BRD4: variants seen among roughly 807,000 people sequenced by gnomAD.
BRD4 encodes the protein bromodomain-containing protein 4.
A neutral mutation model predicts 142.1 loss-of-function variants in BRD4; 16 were observed. That is an observed-to-expected ratio of 0.11 (90% confidence interval 0.08 to 0.17). The LOEUF (loss-of-function observed/expected upper bound fraction) is 0.17. BRD4 is among the 10% of genes least tolerant of loss of function. The pLI is 1.00. For missense variants in BRD4, 1,424 were observed against 1,810.9 expected, an observed-to-expected ratio of 0.79 and a Z score of 3.88; for synonymous variants, 833 against 707.5, an observed-to-expected ratio of 1.18 and a Z score of -2.82.
At position 15,244,423 on chromosome 19, in the gene BRD4, G is replaced by A. The variant is rs1465481670; in HGVS notation, c.2389C>T (p.Pro797Ser). ...ACCTGGGTGGCAATGAAGGGTGGGG[G>A]CGAGGACTTCATCGCCGGGGCTGCC... ...QQAAPAMKSS[P>S]PPFIATQVPV... The change falls in exon 13 of 20, where the codon CCC becomes TCC. Residue 797 changes from proline to serine, a missense_variant. Coordinates refer to ENST00000679869, the MANE Select transcript of BRD4 (RefSeq NM_001379291.1). 6.3e-7 allele frequency: 1 copy of A among 1,590,934 alleles called. No homozygotes were observed. The highest frequency in any genetic ancestry group is 8.5e-7 in the Non-Finnish European group (1 of 1,173,990).
chr19:15,263,444 C>T lies in BRD4; in HGVS notation c.1317G>A (p.Val439=). ...CYKYNPPDHE[V]VAMARKLQDV... ...CCTGGAGCTTGCGGGCCATGGCCAC[C>T]ACCTCATGGTCAGGAGGGTTGTACT... is the stretch of plus-strand genomic sequence containing the variant. The change falls in exon 7 of 20, where the codon GTG becomes GTA. Residue 439 remains valine (V), a synonymous_variant. Transcript: ENST00000679869. 6.2e-7 allele frequency: 1 copy of T among 1,614,182 alleles called. No individual in the cohort carries two copies. The highest frequency in any genetic ancestry group is 1.1e-5 in the South Asian group (1 of 91,084).
At chr19:15,280,497 C>G in intron 1 of BRD4, 1 of 964,610 alleles carries the variant, frequency 1.0e-6, no homozygotes, top group Non-Finnish European at 1.2e-6. Context: ...CCCTGCAGCA[C>G]CTGGCCATCT....
rs747867996 is a variant in BRD4, at chr19:15,239,617, C to CG, written c.3445+41dup. On this transcript the variant is annotated intron_variant, in intron 16 of 19. Coordinates refer to ENST00000679869, the MANE Select transcript of BRD4 (RefSeq NM_001379291.1). The surrounding 1 kb of genome is among the most constrained non-coding windows in gnomAD (Gnocchi z 7.4). ...GCAAGCTTATGTCCAACACGGGCCTCGGGGGGCCTGAGCCCTGGCTGTGGG... is the reference window on the plus strand; with the variant it reads ...GCAAGCTTATGTCCAACACGGGCCTCGGGGGGGCCTGAGCCCTGGCTGTGGG... The CG allele has an allele frequency of 3.1e-5, 48 of 1,557,814 alleles. 2 individuals are homozygous for CG. In the South Asian group the frequency reaches 5.0e-4, roughly 16 times the overall value.
chr19:15,275,386 A>C (rs1568393852), intron 1 of BRD4, among the ~76,000 whole-genome samples: 1 of 152,222 alleles, frequency 6.6e-6, no homozygotes, highest in South Asian at 2.1e-4. Flanking sequence ...GGCAGAGAGA[A>C]GTACCTGACC....
rs550027015 is a variant in BRD4, at chr19:15,326,328, G to A, written c.-35+5962C>T. ...AACTACAAGAAATTATCCAGGTGTG[G>A]CAGCATGGGGCGCCTGTAGTCCCAG... is the stretch of plus-strand genomic sequence containing the variant. On this transcript the variant is annotated intron_variant, in intron 1 of 19. Transcript: ENST00000679869. Among the ~76,000 whole-genome samples the A allele has an allele frequency of 5.3e-5, 8 of 151,828 alleles. No individual in the cohort carries two copies. The East Asian group carries it at 1.6e-3, about 30-fold the overall frequency.
rs1459027127 is a variant in BRD4, at chr19:15,237,483, C to T, written c.*894G>A. On this transcript the variant is annotated 3_prime_UTR_variant, in exon 20 of 20. Coordinates refer to ENST00000679869, the MANE Select transcript of BRD4 (RefSeq NM_001379291.1). ...GTTCACTATACAGTACAGCCACGGT[C>T]ACACACTACCCACAGCGCGGTGGCA... 8.4e-5 allele frequency: 19 copies of T among 226,552 alleles called. No individual in the cohort carries two copies. The East Asian group carries it at 1.2e-3, about 14-fold the overall frequency. The allele number at this position is 226,552 out of a possible 1,614,324, so 14.0% of individuals were successfully genotyped here. A position where few individuals can be genotyped will look rare whatever the true frequency, so the allele number is the denominator to read the frequency against.
intron 1 of BRD4, chr19:15,275,561 C>G (rs1005848335): frequency 6.6e-6 from 1 of 152,240 alleles, no homozygotes; most frequent in African/African-American, 2.4e-5. Context: ...AGTGGCCATC[C>G]TTAACACACA....
At chr19:15,262,845 TTTTCC>T (rs2047488458) in intron 7 of BRD4, among the ~76,000 whole-genome samples, 1 of 152,146 alleles carries the variant, frequency 6.6e-6, no homozygotes, top group African/African-American at 2.4e-5. Flanking sequence ...ACTTAGGTAT[TTTTCC>T]TTTTTTAAAA....
intron 1 of BRD4, among the ~76,000 whole-genome samples, chr19:15,274,139 A>T (rs958536840): frequency 6.6e-6 from 1 of 152,210 alleles, no homozygotes. Flanking sequence ...CACAAGCCAC[A>T]TATCAGCTTG....
chr19:15,244,047 T>C (rs963570258), intron 13 of BRD4, among the ~76,000 whole-genome samples, 184 bp downstream of exon 13: 5 of 152,238 alleles, frequency 3.3e-5, no homozygotes, highest in African/African-American at 1.2e-4. Flanking sequence ...AATAACTCCA[T>C]GCATGACCTG....
chr19:15,250,835 T>C (rs1289296608), intron 11 of BRD4, among the ~76,000 whole-genome samples: 3 of 152,188 alleles, frequency 2.0e-5, no homozygotes, highest in Non-Finnish European at 4.4e-5. Context: ...ACCCCAGTGC[T>C]AATGACAGCA....
At position 15,263,444 on chromosome 19, in the gene BRD4, C is replaced by G; in HGVS notation, c.1317G>C (p.Val439=). 1 of 1,614,182 alleles carries G rather than the reference C, an allele frequency of 6.2e-7. No individual in the cohort carries two copies. Among genetic ancestry groups the G allele is most frequent in the Non-Finnish European group, 8.5e-7 (1 of 1,180,018 alleles). The change falls in exon 7 of 20, where the codon GTG becomes GTC. Residue 439 remains valine, a synonymous_variant. Transcript: ENST00000679869. ...CCTGGAGCTTGCGGGCCATGGCCAC[C>G]ACCTCATGGTCAGGAGGGTTGTACT... ...CYKYNPPDHE[V]VAMARKLQDV...
chr19:15,289,665 C>T (rs992498134), intron 1 of BRD4, among the ~76,000 whole-genome samples: 4 of 115,528 alleles, frequency 3.5e-5, no homozygotes, highest in Admixed American at 1.8e-4. Flanking sequence ...GGTTTTGATC[C>T]AAAAAAAAAA....
At chr19:15,245,136 A>G (rs1195547746) in intron 11 of BRD4, 4 of 305,450 alleles carry the variant, frequency 1.3e-5, no homozygotes, top group African/African-American at 2.2e-5. Flanking sequence ...CAGTTTTCCA[A>G]CAACCTGTGA....
At chr19:15,320,964 T>G (rs2048056325) in intron 1 of BRD4, among the ~76,000 whole-genome samples, 1 of 152,236 alleles carries the variant, frequency 6.6e-6, no homozygotes. Flanking sequence ...CCAGGCATAG[T>G]GGCTCACGCC....
intron 11 of BRD4, among the ~76,000 whole-genome samples, chr19:15,251,464 C>G (rs1392951582): frequency 8.3e-4 from 62 of 74,920 alleles, no homozygotes; most frequent in Admixed American, 2.9e-3. Flanking sequence ...GGCGGGGGCG[C>G]GGGCCTGCAA....
chr19:15,255,604 C>A lies in BRD4; in HGVS notation c.1752-12G>T, dbSNP rs199945643. ...CTGGCTCCTTCTTGCTACGAAGGGA[C>A]GATGCAGACACCATCAAGAACGGGC... On this transcript the variant is annotated splice_polypyrimidine_tract_variant and intron_variant, in intron 9 of 19. Coordinates refer to ENST00000679869, the MANE Select transcript of BRD4 (RefSeq NM_001379291.1). 2 of 1,594,520 alleles carry A rather than the reference C, an allele frequency of 1.3e-6. No individual in the cohort carries two copies. The highest frequency in any genetic ancestry group is 3.4e-5 in the Admixed American group (2 of 59,160).
At chr19:15,328,577 T>TTA (rs2048129719) in intron 1 of BRD4, among the ~76,000 whole-genome samples, 1 of 152,198 alleles carries the variant, frequency 6.6e-6, no homozygotes, top group Admixed American at 6.6e-5. Flanking sequence ...TACCGAACAA[T>TTA]TATGTCCACG....
intron 1 of BRD4, among the ~76,000 whole-genome samples, chr19:15,301,571 A>AC (rs1014169316): frequency 1.6e-4 from 23 of 145,000 alleles, no homozygotes; most frequent in Non-Finnish European, 2.1e-4. Flanking sequence ...TCAAAACAAA[A>AC]AAAAAAAAGG....
Sources: gnomAD v4.1 joint callset for allele counts (sites outside exome capture counted in the v4.1 genomes callset) on GRCh38, gnomAD v4.1.1 for gene constraint, Gnocchi (gnomAD v3.1) non-coding constraint, MANE v1.5 for transcripts, NCBI Gene and HGNC (gene_info 2026-07-23, HGNC 2026-07-21) for gene names.